Variants in ADAMTS14 observed in about 807,000 individuals in gnomAD.
ADAMTS14 encodes A disintegrin and metalloproteinase with thrombospondin motifs 14.
A neutral mutation model predicts 128.6 loss-of-function variants in ADAMTS14; 100 were observed. That is an observed-to-expected ratio of 0.78 (90% CI 0.66 to 0.92). The LOEUF is 0.92. ADAMTS14 is among the 40% of genes least tolerant of loss of function. ADAMTS14 has a pLI of 0.00. For synonymous variants in ADAMTS14, 665 were observed against 653.8 expected (o/e 1.02, Z -0.26); for missense variants, 1,562 against 1,658.6 (o/e 0.94, Z 1.01).
intron 2 of ADAMTS14, among the ~76,000 whole-genome samples, chr10:70,700,040 G>A (rs937835451): frequency 9.2e-5 from 14 of 152,046 alleles, no homozygotes; most frequent in Admixed American, 9.2e-4. Flanking sequence ...AGCGGGATGG[G>A]ATAAATCATG....
At chr10:70,687,997 G>A (rs1383094869) in intron 2 of ADAMTS14, among the ~76,000 whole-genome samples, 39 of 65,572 alleles carry the variant, frequency 5.9e-4, no homozygotes, top group Non-Finnish European at 7.6e-4. Flanking sequence ...CGGACGGGGT[G>A]GCTGCCGGGC....
At position 70,672,585 on chromosome 10, in the gene ADAMTS14, G is replaced by A. The variant is rs1225613982; in HGVS notation, c.-218G>A. On this transcript the variant is annotated 5_prime_UTR_variant, in exon 1 of 22. Coordinates refer to ENST00000373207, the MANE Select transcript of ADAMTS14 (RefSeq NM_080722.4). ...CGTCAGTGGCCCCGCTCTCCAGCCG[G>A]CAGCCTCGCGCGCCCGGAGCCAGCG... 2.0e-5 allele frequency among the ~76,000 whole-genome samples: 3 copies of A among 151,564 alleles called. No homozygotes were observed. The highest frequency in any genetic ancestry group is 4.4e-5 in the Non-Finnish European group (3 of 67,846).
intron 14 of ADAMTS14, among the ~76,000 whole-genome samples, chr10:70,744,752 A>T (rs1842123996): frequency 6.6e-6 from 1 of 152,008 alleles, no homozygotes; most frequent in Non-Finnish European, 1.5e-5. Context: ...CTCACCTTTG[A>T]TTGTTGGGGA....
rs544156907 is a variant in ADAMTS14, at chr10:70,752,292, G to A, written c.2729+65G>A. 4 of 1,586,392 alleles carry A rather than the reference G, an allele frequency of 2.5e-6. No individual in the cohort carries two copies. The East Asian group carries it at 9.0e-5, about 36-fold the overall frequency. Reference sequence around the variant, plus strand: ...GCCTAGCCCGGGCCCCAGGCAGCGGGGCTGCTGAGCCTGCTCCCCTCAGCA... The same window carrying A: ...GCCTAGCCCGGGCCCCAGGCAGCGGAGCTGCTGAGCCTGCTCCCCTCAGCA... On this transcript the variant is annotated intron_variant, in intron 18 of 21. Transcript: ENST00000373207.
intron 2 of ADAMTS14, among the ~76,000 whole-genome samples, chr10:70,692,824 A>G (rs1287563750): frequency 1.3e-5 from 2 of 152,304 alleles, no homozygotes; most frequent in African/African-American, 2.4e-5. Flanking sequence ...AGGATGTTCA[A>G]CCACTGGTAT....
In ADAMTS14 at chr10:70,762,394, A is replaced by G. The variant is rs757366581; in HGVS notation, c.*1541A>G. On this transcript the variant is annotated 3_prime_UTR_variant, in exon 22 of 22. Coordinates refer to ENST00000373207, the MANE Select transcript of ADAMTS14 (RefSeq NM_080722.4). ...AAACTCTTGTGCCTTGGAAATCCAG[A>G]TCTTTAAAATTTTATGTATTTATTA... The G allele has an allele frequency of 1.3e-5, 2 of 152,170 alleles. No homozygotes were observed. Among genetic ancestry groups the G allele is most frequent in the Non-Finnish European group, 2.9e-5 (2 of 68,044 alleles). The allele number at this position is 152,170 out of a possible 1,614,324, so 9.4% of individuals were successfully genotyped here. A position where few individuals can be genotyped will look rare whatever the true frequency, so the allele number is the denominator to read the frequency against.
chr10:70,725,643 G>T (rs2132657773), intron 4 of ADAMTS14, among the ~76,000 whole-genome samples: 1 of 152,288 alleles, frequency 6.6e-6, no homozygotes, highest in Non-Finnish European at 1.5e-5. Flanking sequence ...GGAGGGCTCT[G>T]CCTTTATGAC....
chr10:70,738,616 G>A (rs1841900175), intron 10 of ADAMTS14, among the ~76,000 whole-genome samples: 1 of 152,204 alleles, frequency 6.6e-6, no homozygotes, highest in Admixed American at 6.5e-5. Context: ...CTTGTATACT[G>A]GGTATGATCT....
chr10:70,694,220 G>A (rs565425487), intron 2 of ADAMTS14, among the ~76,000 whole-genome samples: 2 of 152,196 alleles, frequency 1.3e-5, no homozygotes, highest in African/African-American at 2.4e-5. Flanking sequence ...TGCCACATGC[G>A]TGTCGTCTCT....
chr10:70,753,323 T>A (rs1842400360), intron 18 of ADAMTS14, among the ~76,000 whole-genome samples: 1 of 152,176 alleles, frequency 6.6e-6, no homozygotes, highest in South Asian at 2.1e-4. Context: ...GCTCTGTGGA[T>A]GATGATGGTG....
rs1208533271 is a variant in ADAMTS14, at chr10:70,752,175, A to AG, written c.2679dup (p.Pro894AlafsTer65). ...GCGACACCTGTGTGACCACAAGAAGAGGCCCAAGCCCATCCGCCGGCGCTG... is the reference window on the plus strand; with the variant it reads ...GCGACACCTGTGTGACCACAAGAAGAGGGCCCAAGCCCATCCGCCGGCGCTG... On this transcript the variant is annotated frameshift_variant, in exon 18 of 22. Coordinates refer to ENST00000373207, the MANE Select transcript of ADAMTS14 (RefSeq NM_080722.4). The AG allele has an allele frequency of 6.2e-7, 1 of 1,613,710 alleles. No homozygotes were observed. The highest frequency in any genetic ancestry group is 1.1e-5 in the South Asian group (1 of 91,086).
In ADAMTS14 at chr10:70,672,820, G is replaced by A; in HGVS notation, c.18G>A (p.Ala6=). 1 of 1,512,110 alleles carries A rather than the reference G, an allele frequency of 6.6e-7. No homozygotes were observed. Among genetic ancestry groups the A allele is most frequent in the East Asian group, 2.8e-5 (1 of 36,318 alleles). The allele number at this position is 1,512,110 out of a possible 1,614,324, so 93.7% of individuals were successfully genotyped here. MAPLR[A]LLSYLLPLHC... Reference sequence around the variant, plus strand: ...GCGGCCACATGGCTCCACTCCGCGCGCTGCTGTCCTACCTGCTGCCTTTGC... The same window carrying A: ...GCGGCCACATGGCTCCACTCCGCGCACTGCTGTCCTACCTGCTGCCTTTGC... Residue 6 remains alanine (A), a synonymous_variant, in exon 1 of 22, where the codon GCG becomes GCA. Coordinates refer to ENST00000373207, the MANE Select transcript of ADAMTS14 (RefSeq NM_080722.4).
rs191629176 is a variant in ADAMTS14 at position 70,744,192 on chromosome 10, G to A, written c.2182+3G>A. 490 of 1,525,820 alleles carry A rather than the reference G, an allele frequency of 3.2e-4. No homozygotes were observed. In the African/African-American group the frequency reaches 5.5e-3, roughly 17 times the overall value. 94.5% of individuals were successfully genotyped at this position (1,525,820 alleles called of 1,614,324 possible). A position where few individuals can be genotyped will look rare whatever the true frequency, so the allele number is the denominator to read the frequency against. On this transcript the variant is annotated splice_donor_region_variant and intron_variant, in intron 14 of 21. Transcript: ENST00000373207. ...GGGCAAGGCCTCCAAGCAGGCAGGT[G>A]AGCCGGGCTGGGGCTGGGGGGATGA...
chr10:70,731,385 C>T (rs1841632636), intron 6 of ADAMTS14, among the ~76,000 whole-genome samples: 1 of 152,172 alleles, frequency 6.6e-6, no homozygotes, highest in Non-Finnish European at 1.5e-5. Context: ...TGCTATACTC[C>T]CCAAACCATG....
intron 4 of ADAMTS14, among the ~76,000 whole-genome samples, chr10:70,711,778 C>T (rs898858396): frequency 6.6e-6 from 1 of 151,952 alleles, no homozygotes; most frequent in African/African-American, 2.4e-5. Flanking sequence ...GATTGGTAAA[C>T]GTGGAGGCGA....
At position 70,689,157 on chromosome 10, in the gene ADAMTS14, C is replaced by T. The variant is rs571601170; in HGVS notation, c.523-13155C>T. On this transcript the variant is annotated intron_variant, in intron 2 of 21. Coordinates refer to ENST00000373207, the MANE Select transcript of ADAMTS14 (RefSeq NM_080722.4). ...GTCACTTCAAAATTCATAGTCCCCGCGTAGGGAGATGCTAGGTAAAATATG... is the reference window on the plus strand; with the variant it reads ...GTCACTTCAAAATTCATAGTCCCCGTGTAGGGAGATGCTAGGTAAAATATG... 3.5e-4 allele frequency among the ~76,000 whole-genome samples: 50 copies of T among 143,108 alleles called. 5 individuals are homozygous for T. Among genetic ancestry groups the T allele is most frequent in the African/African-American group, 6.4e-4 (26 of 40,654 alleles). 93.9% of individuals were successfully genotyped at this position (143,108 alleles called of 152,430 possible).
At chr10:70,683,471 T>C (rs901973945) in intron 2 of ADAMTS14, among the ~76,000 whole-genome samples, 2 of 152,112 alleles carry the variant, frequency 1.3e-5, no homozygotes, top group African/African-American at 2.4e-5. Context: ...TGCTTCGTGA[T>C]TGGGGCAATG....
intron 1 of ADAMTS14, 126 bp downstream of exon 1, chr10:70,673,010 C>A (rs1170360211): frequency 1.2e-5 from 15 of 1,264,742 alleles, no homozygotes; most frequent in East Asian, 3.2e-5. Context: ...ACACTCTGGG[C>A]TGATTTGCTG....
At chr10:70,753,195 C>T (rs967929497) in intron 18 of ADAMTS14, among the ~76,000 whole-genome samples, 1 of 152,218 alleles carries the variant, frequency 6.6e-6, no homozygotes, top group Non-Finnish European at 1.5e-5. Flanking sequence ...TCCATCCTCA[C>T]CAGAGCAGTT....
Sources: allele counts gnomAD v4.1 joint callset (sites outside exome capture counted in the v4.1 genomes callset), GRCh38; gene constraint gnomAD v4.1.1; transcripts MANE v1.5; gene names NCBI Gene and HGNC (gene_info 2026-07-23, HGNC 2026-07-21).